C4orf54: variants seen among roughly 807,000 people sequenced by gnomAD.
C4orf54 encodes the protein chromosome 4 open reading frame 54.
Under a neutral mutation model 80.1 loss-of-function variants are expected in C4orf54, and 67 were observed. The ratio of observed to expected loss-of-function variants is 0.84; its 90% CI spans 0.69 to 1.03. C4orf54 has a LOEUF of 1.03. Among genes scored for constraint, C4orf54 ranks in the 50% least tolerant of loss-of-function variants. The pLI, the probability that C4orf54 is intolerant of heterozygous loss-of-function variation, is 0.00. For synonymous variants in C4orf54, 1,000 were observed against 917.0 expected, an observed-to-expected ratio of 1.09 and a Z score of -1.64; for missense variants, 2,434 against 2,253.5, an observed-to-expected ratio of 1.08 and a Z score of -1.62.
chr4:99,649,723 C>T lies in C4orf54; in HGVS notation c.4926G>A (p.Gln1642=), dbSNP rs772559454. The part of the protein sequence containing the change: ...TRRLFDPETG[Q]YVDVPMTSQQ... ...GGGAGGTCATGGGCACATCCACATACTGCCCTGTCTCAGGGTCAAACAGTC... is the reference window on the plus strand; with the variant it reads ...GGGAGGTCATGGGCACATCCACATATTGCCCTGTCTCAGGGTCAAACAGTC... Residue 1642 remains glutamine (Q), a synonymous_variant, in exon 2 of 3, where the codon CAG becomes CAA. Transcript: ENST00000511828. 6.5e-7 allele frequency: 1 copy of T among 1,536,066 alleles called. No homozygotes were observed. The highest frequency in any genetic ancestry group is 2.4e-5 in the East Asian group (1 of 40,932).
At position 99,652,496 on chromosome 4, in the gene C4orf54, T is replaced by G; in HGVS notation, c.2153A>C (p.Glu718Ala). ...CCCCTCGACTTTGCTGACCACGAAC[T>G]CCAAGGCCTTGGTCTGAGACTTCTT... ...QSKKSQTKAL[E>A]FVVSKVEGEI... The change falls in exon 2 of 3, where the codon GAG becomes GCG. Residue 718 changes from glutamate (E) to alanine (A), a missense_variant. Coordinates refer to ENST00000511828, the MANE Select transcript of C4orf54 (RefSeq NM_001354435.2). The G allele has an allele frequency of 6.5e-7, 1 of 1,535,824 alleles. No homozygotes were observed. The highest frequency in any genetic ancestry group is 8.7e-7 in the Non-Finnish European group (1 of 1,146,746).
chr4:99,655,585 A>G (rs1381855539), intron 1 of C4orf54, among the ~76,000 whole-genome samples: 1 of 152,186 alleles, frequency 6.6e-6, no homozygotes, highest in Non-Finnish European at 1.5e-5. Context: ...GGCATGCCCC[A>G]TGGAAACGAA....
chr4:99,645,667 G>T (rs954927181), intron 2 of C4orf54, among the ~76,000 whole-genome samples: 1 of 151,832 alleles, frequency 6.6e-6, no homozygotes, highest in African/African-American at 2.4e-5. Context: ...TCAAATAACA[G>T]AAATCTAAAA....
chr4:99,646,513 C>G (rs772716075), intron 2 of C4orf54, among the ~76,000 whole-genome samples: 12 of 152,144 alleles, frequency 7.9e-5, no homozygotes, highest in Non-Finnish European at 1.3e-4. Flanking sequence ...TTTACTGTCC[C>G]TTTTTTGCTC....
rs754039570 is a variant in C4orf54, at chr4:99,643,739, AACACACACACACACACACAC to A, written c.*37-2563_*37-2544del. Among the ~76,000 whole-genome samples, 87 of 98,934 alleles carry A rather than the reference AACACACACACACACACACAC, an allele frequency of 8.8e-4. No individual in the cohort carries two copies. The South Asian group carries it at 0.017, about 20-fold the overall frequency. 64.9% of individuals were successfully genotyped at this position (98,934 alleles called of 152,430 possible). ...TTCCCTGCCCTTTCCCCCAAGCCAC[AACACACACACACACACACAC>A]ACACACACACACACACACACACACA... On this transcript the variant is annotated intron_variant, in intron 2 of 2. Transcript: ENST00000511828.
chr4:99,649,287 AG>A lies in C4orf54; in HGVS notation c.5361del (p.Phe1788LeufsTer3). 6.6e-7 allele frequency: 1 copy of A among 1,524,884 alleles called. No homozygotes were observed. Among genetic ancestry groups the A allele is most frequent in the Non-Finnish European group, 8.8e-7 (1 of 1,139,244 alleles). The allele number at this position is 1,524,884 out of a possible 1,614,324, so 94.5% of individuals were successfully genotyped here. A position where few individuals can be genotyped will look rare whatever the true frequency, so the allele number is the denominator to read the frequency against. ...GCTCATCATCTGTGTTCTACCACAA[AG>A]CTCATGGTGGTGCCATCAAAGGAAG... is the stretch of plus-strand genomic sequence containing the variant. ...APPSFDGTTM[S>X]FVVEHR On this transcript the variant is annotated frameshift_variant, in exon 2 of 3. Coordinates refer to ENST00000511828, the MANE Select transcript of C4orf54 (RefSeq NM_001354435.2). LOFTEE classifies it low-confidence loss of function (END_TRUNC).
rs970529036 is a variant in C4orf54, at chr4:99,639,288, G to T, written c.*1945C>A. On this transcript the variant is annotated 3_prime_UTR_variant, in exon 3 of 3. Transcript: ENST00000511828. The stretch of plus-strand genomic sequence containing the variant: ...CTTGGTGCTGCTTTCAGTAAAATAA[G>T]TGTAAGATTTCTGAAAGGGATTCTA... 7 of 152,064 alleles carry T rather than the reference G, an allele frequency of 4.6e-5. No homozygotes were observed. Among genetic ancestry groups the T allele is most frequent in the African/African-American group, 1.7e-4 (7 of 41,410 alleles). 9.4% of individuals were successfully genotyped at this position (152,064 alleles called of 1,614,324 possible). A position where few individuals can be genotyped will look rare whatever the true frequency, so the allele number is the denominator to read the frequency against.
rs775149986 is a variant in C4orf54, at chr4:99,652,031, C to T, written c.2618G>A (p.Gly873Asp). 1.2e-4 allele frequency: 185 copies of T among 1,536,022 alleles called. No individual in the cohort carries two copies. The highest frequency in any genetic ancestry group is 1.6e-4 in the Non-Finnish European group (182 of 1,146,918). The change falls in exon 2 of 3, where the codon GGC (glycine) becomes GAC (aspartate). Residue 873 changes from glycine to aspartate, a missense_variant. Gly to Asp is a moderately conservative substitution (Grantham distance 94). Coordinates refer to ENST00000511828, the MANE Select transcript of C4orf54 (RefSeq NM_001354435.2). The stretch of plus-strand genomic sequence containing the variant: ...CATGCTGACCACTGTGTACTCGGAG[C>T]CGGCCTCGGAGTGACGAGAGCTCTG... ...QRQSSRHSEAGSEYTVVSMSD... is the reference protein window; with the variant it reads ...QRQSSRHSEADSEYTVVSMSD...
chr4:99,640,566 T>C lies in C4orf54; in HGVS notation c.*667A>G, dbSNP rs1446518586. On this transcript the variant is annotated 3_prime_UTR_variant, in exon 3 of 3. Coordinates refer to ENST00000511828, the MANE Select transcript of C4orf54 (RefSeq NM_001354435.2). ...AAGGCAACAAATAGTGTCGTGGCATTGTACAAATGGGAAAAATAAAATAAA... is the reference window on the plus strand; with the variant it reads ...AAGGCAACAAATAGTGTCGTGGCATCGTACAAATGGGAAAAATAAAATAAA... 1 of 152,152 alleles carries C rather than the reference T, an allele frequency of 6.6e-6. No homozygotes were observed. The highest frequency in any genetic ancestry group is 1.9e-4 in the East Asian group (1 of 5,200). 9.4% of individuals were successfully genotyped at this position (152,152 alleles called of 1,614,324 possible). A position where few individuals can be genotyped will look rare whatever the true frequency, so the allele number is the denominator to read the frequency against.
chr4:99,647,785 C>T (rs1726724905), intron 2 of C4orf54, among the ~76,000 whole-genome samples: 1 of 152,072 alleles, frequency 6.6e-6, no homozygotes, highest in Admixed American at 6.6e-5. Context: ...TATTTAGATA[C>T]ATGTTTAGGG....
In C4orf54 at chr4:99,649,565, G is replaced by T; in HGVS notation, c.5084C>A (p.Thr1695Lys). ...TVLPTNALQPTPIARAPRGSE... is the reference protein window; with the variant it reads ...TVLPTNALQPKPIARAPRGSE... ...TCCTCTTGGAGCGCGAGCAATTGGT[G>T]TGGGCTGCAGAGCATTGGTGGGCAG... The change falls in exon 2 of 3, where the codon ACA becomes AAA. Residue 1695 changes from threonine (T) to lysine (K), a missense_variant. Transcript: ENST00000511828. The T allele has an allele frequency of 6.5e-7, 1 of 1,536,168 alleles. No individual in the cohort carries two copies. Among genetic ancestry groups the T allele is most frequent in the Non-Finnish European group, 8.7e-7 (1 of 1,146,912 alleles).
At chr4:99,649,202 A>G in intron 2 of C4orf54, 29 bp downstream of exon 2, 2 of 1,446,370 alleles carry the variant, frequency 1.4e-6, no homozygotes, top group Non-Finnish European at 1.8e-6. Flanking sequence ...ACTCTCTTAA[A>G]CCTGATTATC....
At position 99,649,953 on chromosome 4, in the gene C4orf54, G is replaced by A. The variant is rs1490231254; in HGVS notation, c.4696C>T (p.Pro1566Ser). 5.2e-6 allele frequency: 8 copies of A among 1,533,750 alleles called. No homozygotes were observed. Among genetic ancestry groups the A allele is most frequent in the Non-Finnish European group, 7.0e-6 (8 of 1,145,222 alleles). The change falls in exon 2 of 3, where the codon CCC (proline) becomes TCC (serine). Residue 1566 changes from proline to serine, a missense_variant. Transcript: ENST00000511828. The part of the protein sequence containing the change: ...PTTIYHQPPL[P>S]FTLQGAQPQV... ...GGCTGGGCCCCCTGTAGGGTGAAGG[G>A]CAGCGGCGGCTGGTGGTAGATGGTG...
intron 2 of C4orf54, among the ~76,000 whole-genome samples, chr4:99,647,793 G>A (rs1726724958): frequency 6.6e-6 from 1 of 152,112 alleles, no homozygotes; most frequent in South Asian, 2.1e-4. Flanking sequence ...TACATGTTTA[G>A]GGTTAGATAT....
chr4:99,653,402 G>T lies in C4orf54; in HGVS notation c.1247C>A (p.Pro416Gln). The T allele has an allele frequency of 2.0e-6, 3 of 1,536,272 alleles. No homozygotes were observed. The highest frequency in any genetic ancestry group is 2.6e-6 in the Non-Finnish European group (3 of 1,146,902). ...TTCGGTCAGACTGGTGATGTCCCCTGGGGTCTCGTCGCTGCCACCAAAGGA... is the reference window on the plus strand; with the variant it reads ...TTCGGTCAGACTGGTGATGTCCCCTTGGGTCTCGTCGCTGCCACCAAAGGA... ...YASFGGSDET[P>Q]GDITSLTEED... The change falls in exon 2 of 3, where the codon CCA becomes CAA. Residue 416 changes from proline to glutamine, a missense_variant. Transcript: ENST00000511828.
In C4orf54 at chr4:99,649,965, G is replaced by C. The variant is rs1161070982; in HGVS notation, c.4684C>G (p.Gln1562Glu). 1 of 1,534,248 alleles carries C rather than the reference G, an allele frequency of 6.5e-7. No homozygotes were observed. Among genetic ancestry groups the C allele is most frequent in the Non-Finnish European group, 8.7e-7 (1 of 1,145,490 alleles). Reference sequence around the variant, plus strand: ...TGTAGGGTGAAGGGCAGCGGCGGCTGGTGGTAGATGGTGGTGGGGGGATGC... The same window carrying C: ...TGTAGGGTGAAGGGCAGCGGCGGCTCGTGGTAGATGGTGGTGGGGGGATGC... ...PEHPPTTIYH[Q>E]PPLPFTLQGA... is the part of the protein sequence containing the mutation. Residue 1562 changes from glutamine to glutamate, a missense_variant, in exon 2 of 3, where the codon CAG becomes GAG. Gln to Glu is a conservative substitution (Grantham distance 29). Transcript: ENST00000511828.
rs1726837511 is a variant in C4orf54, at chr4:99,651,837, G to A, written c.2812C>T (p.Arg938Cys). Residue 938 changes from arginine (R) to cysteine (C), a missense_variant, in exon 2 of 3, where the codon CGT becomes TGT. Physicochemically the swap from Arg to Cys is radical, Grantham distance 180. Coordinates refer to ENST00000511828, the MANE Select transcript of C4orf54 (RefSeq NM_001354435.2). ...GACCGGAACGCACTGTTCTGACTAC[G>A]GAGGAAGATGCCCTTGACGGTCTCT... Reference protein sequence around the residue: ...ASETVKGIFLRSQNSAFRSWK... With the variant: ...ASETVKGIFLCSQNSAFRSWK... 1.6e-5 allele frequency: 25 copies of A among 1,536,068 alleles called. No homozygotes were observed. In the East Asian group the frequency reaches 4.9e-4, roughly 30 times the overall value.
Position 99,651,653 on chromosome 4 carries a change from G to C in C4orf54, c.2996C>G (p.Pro999Arg), listed in dbSNP as rs993984827. The C allele has an allele frequency of 2.0e-6, 3 of 1,535,920 alleles. No individual in the cohort carries two copies. The African/African-American group carries it at 4.1e-5, about 21-fold the overall frequency. ...CTGCTTCCTCGGCTGCTTGTCCTTG[G>C]GTGTCTGCTGGATGTTGGGGACAAA... ...RLFVPNIQQT[P>R]KDKQPRKQAT... The change falls in exon 2 of 3, where the codon CCC becomes CGC. Residue 999 changes from proline to arginine, a missense_variant. Transcript: ENST00000511828.
In C4orf54 at chr4:99,649,218, G is replaced by A. The variant is rs977573660; in HGVS notation, c.*36+13C>T. 17 of 1,453,920 alleles carry A rather than the reference G, an allele frequency of 1.2e-5. No individual in the cohort carries two copies. The Admixed American group carries it at 1.6e-4, about 13-fold the overall frequency. 90.1% of individuals were successfully genotyped at this position (1,453,920 alleles called of 1,614,324 possible). A position where few individuals can be genotyped will look rare whatever the true frequency, so the allele number is the denominator to read the frequency against. ...CTCTCTTAAACCTGATTATCAAAGT[G>A]AAATTCACTTACCAGCAGTTTTTCA... On this transcript the variant is annotated intron_variant, in intron 2 of 2. Coordinates refer to ENST00000511828, the MANE Select transcript of C4orf54 (RefSeq NM_001354435.2).
Sources: gnomAD v4.1 joint callset for allele counts (sites outside exome capture counted in the v4.1 genomes callset) on GRCh38, gnomAD v4.1.1 for gene constraint, MANE v1.5 for transcripts, NCBI Gene and HGNC (gene_info 2026-07-23, HGNC 2026-07-21) for gene names.